Variants in BMP8A observed in about 807,000 individuals in gnomAD.
The protein encoded by BMP8A is bone morphogenetic protein 8a, also known as BMP-8A.
In BMP8A, 14 loss-of-function variants were observed where a neutral mutation model predicts 36.8. That is an observed-to-expected ratio of 0.38 (90% CI 0.25 to 0.60). The LOEUF is 0.60. BMP8A is among the 20% of genes least tolerant of loss of function. BMP8A has a pLI of 0.63. For synonymous variants in BMP8A, 120 were observed against 237.7 expected (o/e 0.50, Z 4.55); for missense variants, 267 against 551.1 (o/e 0.48, Z 5.16).
chr1:39,514,222 AGGTGAGG>A (rs1645378776), intron 3 of BMP8A, among the ~76,000 whole-genome samples: 1 of 135,482 alleles, frequency 7.4e-6, no homozygotes, highest in African/African-American at 2.8e-5. Flanking sequence ...GGTCCTTTCC[AGGTGAGG>A]AGACGCCTGC....
chr1:39,498,882 A>G, intron 1 of BMP8A, among the ~76,000 whole-genome samples: 1 of 152,020 alleles, frequency 6.6e-6, no homozygotes, highest in South Asian at 2.1e-4. Context: ...CTTCTGATGG[A>G]GTCACATGGG....
At chr1:39,514,949 G>A (rs1424516554) in intron 3 of BMP8A, 5 of 1,508,700 alleles carry the variant, frequency 3.3e-6, no homozygotes, top group Non-Finnish European at 4.4e-6. Flanking sequence ...TCCGACCCGG[G>A]CCGACTATGG....
In BMP8A at chr1:39,529,736, T is replaced by C. The variant is rs531200540; in HGVS notation, c.*3938T>C. 6.6e-6 allele frequency among the ~76,000 whole-genome samples: 1 copy of C among 152,384 alleles called. No individual in the cohort carries two copies. The highest frequency in any genetic ancestry group is 2.1e-4 in the South Asian group (1 of 4,832). On this transcript the variant is annotated 3_prime_UTR_variant, in exon 7 of 7. Coordinates refer to ENST00000331593, the MANE Select transcript of BMP8A (RefSeq NM_181809.4). ...TTCTTACTTGGCACATATACATTTG[T>C]CTTTCTTTATATATGACATATGGAT...
chr1:39,506,215 G>C (rs1256533592), intron 1 of BMP8A, among the ~76,000 whole-genome samples: 1 of 151,708 alleles, frequency 6.6e-6, no homozygotes. Context: ...TTTTGTTTTT[G>C]TTTTTGTTTT....
chr1:39,493,385 A>C (rs1413266685), intron 1 of BMP8A, among the ~76,000 whole-genome samples: 2 of 152,262 alleles, frequency 1.3e-5, no homozygotes, highest in Non-Finnish European at 2.9e-5. Flanking sequence ...AGGACAGCGC[A>C]GCCTCTATGT....
intron 1 of BMP8A, among the ~76,000 whole-genome samples, chr1:39,493,300 C>G (rs1236966214): frequency 6.6e-6 from 1 of 152,228 alleles, no homozygotes; most frequent in Non-Finnish European, 1.5e-5. Flanking sequence ...TCCCGACAAC[C>G]CTGATAACAG....
At chr1:39,522,865 G>A in intron 5 of BMP8A, 142 bp from the exon 6 acceptor site, 2 of 907,950 alleles carry the variant, frequency 2.2e-6, no homozygotes, top group Non-Finnish European at 3.4e-6. Context: ...CTGAGCTCCT[G>A]CCCAGCCTTT....
At position 39,491,900 on chromosome 1, in the gene BMP8A, C is replaced by G. The variant is rs1645161124; in HGVS notation, c.-92C>G. The G allele has an allele frequency of 9.9e-7, 1 of 1,012,386 alleles. No homozygotes were observed. The highest frequency in any genetic ancestry group is 1.2e-6 in the Non-Finnish European group (1 of 843,194). The allele number at this position is 1,012,386 out of a possible 1,614,324, so 62.7% of individuals were successfully genotyped here. On this transcript the variant is annotated 5_prime_UTR_variant, in exon 1 of 7. Transcript: ENST00000331593. The stretch of plus-strand genomic sequence containing the variant: ...CCGCCGAGCCCCGCCCCCTGCTCGC[C>G]GAACTCAGCTCCCCGTTCGCCGTCG...
rs765064298 is a variant in BMP8A, at chr1:39,524,191, C to T, written c.1059+1074C>T. Among the ~76,000 whole-genome samples the T allele has an allele frequency of 4.6e-5, 7 of 152,130 alleles. No homozygotes were observed. The highest frequency in any genetic ancestry group is 9.7e-5 in the African/African-American group (4 of 41,428). ...GGCCTGGCCCAGCCACCCTTTATGC[C>T]GTGTGGTTCTCACAGCTGCATGTGT... On this transcript the variant is annotated intron_variant, in intron 6 of 6. Coordinates refer to ENST00000331593, the MANE Select transcript of BMP8A (RefSeq NM_181809.4). This position sits in a 1 kb window ranked among gnomAD's most constrained non-coding sequence, Gnocchi z 4.0.
At chr1:39,496,860 T>G (rs567572838) in intron 1 of BMP8A, among the ~76,000 whole-genome samples, 3 of 152,360 alleles carry the variant, frequency 2.0e-5, no homozygotes, top group African/African-American at 7.2e-5. Context: ...ATTTTTATTT[T>G]GGGGGAATTT....
At position 39,492,252 on chromosome 1, in the gene BMP8A, C is replaced by G. The variant is rs1464963690; in HGVS notation, c.261C>G (p.Asp87Glu). The stretch of plus-strand genomic sequence containing the variant: ...ACCTGTACCACGCCATGGCTGGCGA[C>G]GACGACGAGGACGGCGCGCCCGCGG... ...MLDLYHAMAG[D>E]DDEDGAPAEQ... Residue 87 changes from aspartate to glutamate, a missense_variant, in exon 1 of 7, where the codon GAC becomes GAG. By Grantham distance (45) the Asp-to-Glu change is conservative (BLOSUM62 2). Transcript: ENST00000331593. The G allele has an allele frequency of 6.4e-7, 1 of 1,560,158 alleles. No homozygotes were observed. The highest frequency in any genetic ancestry group is 2.5e-5 in the East Asian group (1 of 40,248).
rs368279529 is a variant in BMP8A at position 39,522,476 on chromosome 1, C to T, written c.942C>T (p.Gly314=). The change falls in exon 5 of 7, where the codon GGC becomes GGT. Residue 314 remains glycine (G), a synonymous_variant. Transcript: ENST00000331593. ...TCTACGTCAGCTTCCAGGACCTTGG[C>T]TGGCTGGTAATTGCTGACTCTCCTT... ...HELYVSFQDL[G]WLDWVIAPQG... The T allele has an allele frequency of 3.1e-6, 5 of 1,613,742 alleles. No individual in the cohort carries two copies. Among genetic ancestry groups the T allele is most frequent in the Non-Finnish European group, 4.2e-6 (5 of 1,179,842 alleles).
At chr1:39,492,349 G>A in intron 1 of BMP8A, 24 bp downstream of exon 1, 1 of 1,526,626 alleles carries the variant, frequency 6.6e-7, no homozygotes, top group Non-Finnish European at 8.7e-7. Flanking sequence ...CCCGCGCGGG[G>A]ACCCTCGGAG....
Position 39,509,177 on chromosome 1 carries a change from G to A in BMP8A, c.335-1997G>A, listed in dbSNP as rs181071978. ...GTGCCCTGGGGCACAAGCACATAGA[G>A]CCACGCTTTGAAAGCGGACAGGAGA... On this transcript the variant is annotated intron_variant, in intron 1 of 6. Coordinates refer to ENST00000331593, the MANE Select transcript of BMP8A (RefSeq NM_181809.4). Among the ~76,000 whole-genome samples the A allele has an allele frequency of 1.8e-4, 27 of 152,324 alleles. No homozygotes were observed. In the East Asian group the frequency reaches 5.0e-3, roughly 28 times the overall value.
chr1:39,527,311 G>A lies in BMP8A; in HGVS notation c.*1513G>A, dbSNP rs556451380. Among the ~76,000 whole-genome samples, 42 of 152,214 alleles carry A rather than the reference G, an allele frequency of 2.8e-4. No individual in the cohort carries two copies. The highest frequency in any genetic ancestry group is 5.2e-4 in the Admixed American group (8 of 15,288). ...GTTCTCCTTGGAACAGCCACTGGGA[G>A]TTGGAGTGTTTATTTGATTTCTGAC... On this transcript the variant is annotated 3_prime_UTR_variant, in exon 7 of 7. Transcript: ENST00000331593.
intron 1 of BMP8A, among the ~76,000 whole-genome samples, chr1:39,510,747 G>GTCCCTGTCTACCAGGTT (rs1645346393): frequency 6.6e-6 from 1 of 152,218 alleles, no homozygotes; most frequent in Non-Finnish European, 1.5e-5. Context: ...TGTCGGTTAT[G>GTCCCTGTCTACCAGGTT]TCCCTGTCTA....
At chr1:39,509,371 T>TAAC (rs1483872288) in intron 1 of BMP8A, among the ~76,000 whole-genome samples, 1 of 152,128 alleles carries the variant, frequency 6.6e-6, no homozygotes, top group Non-Finnish European at 1.5e-5. Flanking sequence ...GTGAGTGTGT[T>TAAC]AGGGAAGAGA....
At chr1:39,493,580 A>G (rs527264173) in intron 1 of BMP8A, among the ~76,000 whole-genome samples, 16 of 152,076 alleles carry the variant, frequency 1.1e-4, no homozygotes, top group Middle Eastern at 3.4e-3. Context: ...CCTACACTAG[A>G]GCAGAAGAGG....
chr1:39,497,363 T>A (rs776155954), intron 1 of BMP8A, among the ~76,000 whole-genome samples: 1 of 152,228 alleles, frequency 6.6e-6, no homozygotes, highest in Non-Finnish European at 1.5e-5. Context: ...CGGGGTTGCA[T>A]GCAGTGTGGC....
Sources: allele counts gnomAD v4.1 joint callset (sites outside exome capture counted in the v4.1 genomes callset), GRCh38; gene constraint gnomAD v4.1.1; non-coding constraint Gnocchi (gnomAD v3.1); transcripts MANE v1.5; gene names NCBI Gene and HGNC (gene_info 2026-07-23, HGNC 2026-07-21).